The following SHANK2 variants were observed in gnomAD, a reference collection of about 807,000 sequenced individuals.
SHANK2 encodes the protein SH3 and multiple ankyrin repeat domains protein 2.
In SHANK2, 43 loss-of-function variants were observed where a neutral mutation model predicts 133.7. The observed-to-expected ratio is 0.32, with a 90% CI of 0.25 to 0.41. The LOEUF (loss-of-function observed/expected upper bound fraction) is 0.41. Ranked by LOEUF, SHANK2 falls within the 10% of genes least tolerant of loss-of-function variation. The probability of loss-of-function intolerance (pLI) is 1.00; values close to 1 mark genes in which losing one functional copy is unlikely to be tolerated. For synonymous variants in SHANK2, 1,017 were observed against 952.8 expected (o/e 1.07, Z -1.24); for missense variants, 1,994 against 2,235.8 (o/e 0.89, Z 2.18).
intron 14 of SHANK2, among the ~76,000 whole-genome samples, chr11:70,797,427 C>T (rs1431095513): frequency 6.6e-6 from 1 of 152,194 alleles, no homozygotes; most frequent in Non-Finnish European, 1.5e-5. Context: ...AGCTGATGCA[C>T]GAACTGAGTC....
Position 70,502,904 on chromosome 11 carries a change from C to A in SHANK2, c.2089G>T (p.Gly697Cys), listed in dbSNP as rs2135828598. ...ATCATGTTCACCACCTGCCTGTGGC[C>A]GACTTTGACAACATTCTCATTGTTA... is the stretch of plus-strand genomic sequence containing the variant. ...EVNNENVVKVGHRQVVNMIRQ... is the reference protein window; with the variant it reads ...EVNNENVVKVCHRQVVNMIRQ... The change falls in exon 18 of 26, where the codon GGC becomes TGC. Residue 697 changes from glycine (G) to cysteine (C), a missense_variant. Gly to Cys is a radical substitution (Grantham distance 159, BLOSUM62 -3). Transcript: ENST00000601538. 1 of 1,614,084 alleles carries A rather than the reference C, an allele frequency of 6.2e-7. No individual in the cohort carries two copies. The highest frequency in any genetic ancestry group is 8.5e-7 in the Non-Finnish European group (1 of 1,180,020).
In SHANK2 at chr11:71,201,094, T is replaced by G. The variant is rs1954010554; in HGVS notation, c.-13+23603A>C. ...CACGACAGTGATGGTTTAAGACAAT[T>G]AGCAGTGCCCAAAAATTCCTCCCAA... On this transcript the variant is annotated intron_variant, in intron 2 of 25. Coordinates refer to ENST00000601538, the MANE Select transcript of SHANK2 (RefSeq NM_012309.5). Among the ~76,000 whole-genome samples, 5 of 152,146 alleles carry G rather than the reference T, an allele frequency of 3.3e-5. No homozygotes were observed. In the South Asian group the frequency reaches 1.0e-3, roughly 32 times the overall value.
intron 9 of SHANK2, among the ~76,000 whole-genome samples, chr11:71,063,155 G>A (rs1389511562): frequency 2.0e-5 from 3 of 152,178 alleles, no homozygotes; most frequent in African/African-American, 7.2e-5. Flanking sequence ...TAAAGGACAT[G>A]TACTTCCTAT....
intron 2 of SHANK2, among the ~76,000 whole-genome samples, chr11:71,219,963 C>T (rs1378902378): frequency 6.6e-6 from 1 of 152,012 alleles, no homozygotes; most frequent in East Asian, 1.9e-4. Context: ...GTGGCTCACA[C>T]CTGTAATTCT....
chr11:70,661,873 C>T (rs1011471474), intron 15 of SHANK2, 195 bp from the exon 16 acceptor site: 402 of 1,493,766 alleles, frequency 2.7e-4, no homozygotes, highest in Non-Finnish European at 3.5e-4. Context: ...CCGGGATAGG[C>T]GAGCGTGGCA....
In SHANK2 at chr11:70,567,084, A is replaced by T. The variant is rs2059977262; in HGVS notation, c.2062-64153T>A. On this transcript the variant is annotated intron_variant, in intron 17 of 25. Coordinates refer to ENST00000601538, the MANE Select transcript of SHANK2 (RefSeq NM_012309.5). ...GCTGCTGAATGCCACCACCATTGTT[A>T]TCGGGTGGTGCCACCATCTACTCTA... is the stretch of plus-strand genomic sequence containing the variant. Among the ~76,000 whole-genome samples, 7 of 152,300 alleles carry T rather than the reference A, an allele frequency of 4.6e-5. No homozygotes were observed. In the South Asian group the frequency reaches 1.5e-3, roughly 32 times the overall value.
chr11:70,938,391 T>C (rs1216820564), intron 10 of SHANK2, among the ~76,000 whole-genome samples: 1 of 152,198 alleles, frequency 6.6e-6, no homozygotes, highest in African/African-American at 2.4e-5. Flanking sequence ...TATTGTTGAA[T>C]ACAGGATTCC....
chr11:71,207,361 G>A (rs2135668145), intron 2 of SHANK2, among the ~76,000 whole-genome samples: 1 of 152,212 alleles, frequency 6.6e-6, no homozygotes, highest in African/African-American at 2.4e-5. Flanking sequence ...TGTATTTTTA[G>A]TAGAGACAGG....
At chr11:70,504,408 A>C (rs1168062843) in intron 17 of SHANK2, among the ~76,000 whole-genome samples, 29 of 127,324 alleles carry the variant, frequency 2.3e-4, no homozygotes, top group African/African-American at 7.5e-4. Context: ...CACCTACGAG[A>C]CGGCTGCAGA....
intron 14 of SHANK2, among the ~76,000 whole-genome samples, chr11:70,781,989 A>G (rs981951453): frequency 1.3e-5 from 2 of 152,090 alleles, no homozygotes; most frequent in Non-Finnish European, 2.9e-5. Context: ...GGAAACCCTC[A>G]TTCTCAGCAA....
intron 14 of SHANK2, among the ~76,000 whole-genome samples, chr11:70,760,337 A>T (rs4980641): frequency 6.6e-6 from 1 of 152,066 alleles, no homozygotes; most frequent in Non-Finnish European, 1.5e-5. Flanking sequence ...TTCCCAGCTC[A>T]CAGGTTGTAA....
At chr11:70,870,686 G>T (rs1949445050) in intron 11 of SHANK2, among the ~76,000 whole-genome samples, 1 of 152,198 alleles carries the variant, frequency 6.6e-6, no homozygotes. Flanking sequence ...GGCATTCCTT[G>T]ACTGACAGAA....
chr11:70,567,372 T>C (rs782310147), intron 17 of SHANK2, among the ~76,000 whole-genome samples: 2 of 152,172 alleles, frequency 1.3e-5, no homozygotes, highest in Non-Finnish European at 2.9e-5. Flanking sequence ...CTCATGCCTA[T>C]AATCCTAGCA....
intron 17 of SHANK2, among the ~76,000 whole-genome samples, chr11:70,630,497 T>C (rs1007405779): frequency 1.6e-4 from 24 of 152,316 alleles, no homozygotes; most frequent in African/African-American, 5.5e-4. Flanking sequence ...TCCACGTCTA[T>C]GTAGAACCTC....
intron 10 of SHANK2, among the ~76,000 whole-genome samples, chr11:70,935,009 C>T (rs782554990): frequency 5.9e-5 from 9 of 152,204 alleles, no homozygotes; most frequent in Non-Finnish European, 1.3e-4. Flanking sequence ...CACGGGTAAA[C>T]GGCCGTGCCT....
At chr11:71,234,405 C>A (rs4944561) in intron 1 of SHANK2, among the ~76,000 whole-genome samples, 13,718 of 137,582 alleles carry the variant, frequency 0.1, 1,676 homozygotes, top group African/African-American at 0.31. Flanking sequence ...AAATAAATAA[C>A]AACAAAATGT....
intron 14 of SHANK2, among the ~76,000 whole-genome samples, chr11:70,738,099 T>C (rs2134779186): frequency 6.6e-6 from 1 of 152,382 alleles, no homozygotes; most frequent in Middle Eastern, 3.4e-3. Flanking sequence ...TATCGCATGG[T>C]TGGCTGAAAG....
rs959971819 is a variant in SHANK2 at position 70,804,169 on chromosome 11, C to T, written c.1663+2833G>A. On this transcript the variant is annotated intron_variant, in intron 13 of 25. Coordinates refer to ENST00000601538, the MANE Select transcript of SHANK2 (RefSeq NM_012309.5). The surrounding 1 kb of genome is among the most constrained non-coding windows in gnomAD (Gnocchi z 4.1). ...CCCTGCCAGCCAGGCAGCTGGGTTT[C>T]CTGCCCACAATGATTGTTCCCTTGA... Among the ~76,000 whole-genome samples the T allele has an allele frequency of 1.3e-5, 2 of 152,174 alleles. No individual in the cohort carries two copies. The highest frequency in any genetic ancestry group is 2.9e-5 in the Non-Finnish European group (2 of 68,030).
chr11:70,501,935 G>T lies in SHANK2; in HGVS notation c.2279-4C>A, dbSNP rs782741309. 2.6e-6 allele frequency: 4 copies of T among 1,559,224 alleles called. No individual in the cohort carries two copies. Among genetic ancestry groups the T allele is most frequent in the East Asian group, 4.8e-5 (2 of 41,776 alleles). ...TGGGGCTGCTTACCTTTATCCACTAGTGAGAGGCCCAAAAATTCAAAACAA... is the reference window on the plus strand; with the variant it reads ...TGGGGCTGCTTACCTTTATCCACTATTGAGAGGCCCAAAAATTCAAAACAA... On this transcript the variant is annotated splice_region_variant and splice_polypyrimidine_tract_variant and intron_variant, in intron 19 of 25. Coordinates refer to ENST00000601538, the MANE Select transcript of SHANK2 (RefSeq NM_012309.5).
Sources: allele counts gnomAD v4.1 joint callset (sites outside exome capture counted in the v4.1 genomes callset), GRCh38; gene constraint gnomAD v4.1.1; non-coding constraint Gnocchi (gnomAD v3.1); transcripts MANE v1.5; gene names NCBI Gene and HGNC (gene_info 2026-07-23, HGNC 2026-07-21).